The following IL16 variants were observed in gnomAD, a reference collection of about 807,000 sequenced individuals.
IL16 encodes the protein interleukin 16.
In IL16, 67 loss-of-function variants were observed where a neutral mutation model predicts 110.1. The ratio of observed to expected loss-of-function variants is 0.61; its 90% CI spans 0.50 to 0.75. IL16 has a LOEUF of 0.75. Ranked by LOEUF, IL16 falls within the 30% of genes least tolerant of loss-of-function variation. The pLI, the probability that IL16 is intolerant of heterozygous loss-of-function variation, is 0.00. For missense variants in IL16, 1,545 were observed against 1,655.0 expected, an observed-to-expected ratio of 0.93 and a Z score of 1.15; for synonymous variants, 689 against 662.9, an observed-to-expected ratio of 1.04 and a Z score of -0.61.
At chr15:81,244,124 T>G (rs571481689) in intron 2 of IL16, among the ~76,000 whole-genome samples, 1 of 152,318 alleles carries the variant, frequency 6.6e-6, no homozygotes, top group South Asian at 2.1e-4. Flanking sequence ...TCCCTTTACC[T>G]ACCTCGTTTA....
chr15:81,269,524 G>T lies in IL16; in HGVS notation c.565-14G>T, dbSNP rs1377957694. Reference sequence around the variant, plus strand: ...TGTGGCTAATCTTCTGCCTACTCTGGTTCCTTGTTGCAGGGAACTTCGAGA... The same window carrying T: ...TGTGGCTAATCTTCTGCCTACTCTGTTTCCTTGTTGCAGGGAACTTCGAGA... On this transcript the variant is annotated splice_polypyrimidine_tract_variant and intron_variant, in intron 4 of 18. Coordinates refer to ENST00000683961, the MANE Select transcript of IL16 (RefSeq NM_172217.5). 6.3e-7 allele frequency: 1 copy of T among 1,599,498 alleles called. No homozygotes were observed. The highest frequency in any genetic ancestry group is 8.6e-7 in the Non-Finnish European group (1 of 1,166,886).
intron 2 of IL16, 122 bp from the exon 3 acceptor site, chr15:81,259,650 T>C: frequency 7.8e-6 from 5 of 638,786 alleles, no homozygotes; most frequent in Admixed American, 2.5e-5. Flanking sequence ...ATAGTACTTA[T>C]CATTTCAGTA....
At chr15:81,206,176 C>T (rs1338506279) in intron 1 of IL16, among the ~76,000 whole-genome samples, 2 of 152,104 alleles carry the variant, frequency 1.3e-5, no homozygotes, top group Admixed American at 1.3e-4. Context: ...TGTTGCATGG[C>T]AATGAAGATA....
At chr15:81,186,168 C>T (rs1389272783) in intron 1 of IL16, among the ~76,000 whole-genome samples, 1 of 152,234 alleles carries the variant, frequency 6.6e-6, no homozygotes, top group East Asian at 1.9e-4. Flanking sequence ...GCTCCCTCTT[C>T]CTGAGTGCTT....
chr15:81,213,203 G>A (rs11072993), intron 1 of IL16, among the ~76,000 whole-genome samples: 2 of 151,966 alleles, frequency 1.3e-5, no homozygotes, highest in East Asian at 1.9e-4. Context: ...TTTTGAGAAA[G>A]CTTCTTGATA....
At chr15:81,257,776 G>A (rs145749890) in intron 2 of IL16, among the ~76,000 whole-genome samples, 5 of 152,304 alleles carry the variant, frequency 3.3e-5, no homozygotes, top group African/African-American at 1.2e-4. Context: ...ATGCAGTTAA[G>A]TCAGTTAGGA....
In IL16 at chr15:81,210,770, G is replaced by A. The variant is rs1042225346; in HGVS notation, c.-102+13618G>A. Among the ~76,000 whole-genome samples, 4 of 152,300 alleles carry A rather than the reference G, an allele frequency of 2.6e-5. No individual in the cohort carries two copies. The East Asian group carries it at 7.7e-4, about 29-fold the overall frequency. On this transcript the variant is annotated intron_variant, in intron 1 of 18. Coordinates refer to ENST00000683961, the MANE Select transcript of IL16 (RefSeq NM_172217.5). The stretch of plus-strand genomic sequence containing the variant: ...TGGAGTCTAGGGTTTTCTAAGTATA[G>A]ATTCATATTGACAACGAAGAGAGAT...
At chr15:81,218,005 A>G (rs1896490459) in intron 1 of IL16, among the ~76,000 whole-genome samples, 1 of 152,188 alleles carries the variant, frequency 6.6e-6, no homozygotes, top group Non-Finnish European at 1.5e-5. Context: ...ATGATTTACT[A>G]AGGTTCTAGA....
At chr15:81,296,896 T>C (rs756426230) in intron 12 of IL16, 32 bp from the exon 13 acceptor site, 1 of 1,563,848 alleles carries the variant, frequency 6.4e-7, no homozygotes, top group Non-Finnish European at 8.7e-7. Context: ...GCTACCGTTT[T>C]GACATGGTCT....
Position 81,299,605 on chromosome 15 carries a change from A to G in IL16, c.2279A>G (p.Lys760Arg). ...GGCCACCCAGATGGGACCCCACCAAAGCTGGACACCGCCAATGGCACTCCC... is the reference window on the plus strand; with the variant it reads ...GGCCACCCAGATGGGACCCCACCAAGGCTGGACACCGCCAATGGCACTCCC... ...TQGHPDGTPP[K>R]LDTANGTPKV... Residue 760 changes from lysine to arginine, a missense_variant, in exon 14 of 19, where the codon AAG (lysine) becomes AGG (arginine). Physicochemically the swap from Lys to Arg is conservative, Grantham distance 26. This residue lies in a region of IL16 where 1,185 missense variants were observed against 1,238.8 expected (regional missense o/e 0.96). Coordinates refer to ENST00000683961, the MANE Select transcript of IL16 (RefSeq NM_172217.5). The G allele has an allele frequency of 6.2e-7, 1 of 1,614,212 alleles. No homozygotes were observed. The highest frequency in any genetic ancestry group is 8.5e-7 in the Non-Finnish European group (1 of 1,180,038).
intron 10 of IL16, 105 bp downstream of exon 10, chr15:81,285,935 C>T: frequency 1.6e-6 from 2 of 1,233,380 alleles, no homozygotes; most frequent in Non-Finnish European, 2.3e-6. Context: ...TGGGTTTGTA[C>T]CTGAATTCCC....
intron 1 of IL16, among the ~76,000 whole-genome samples, chr15:81,215,017 T>C (rs2142002432): frequency 6.6e-6 from 1 of 152,348 alleles, no homozygotes; most frequent in Middle Eastern, 3.4e-3. Flanking sequence ...GTCTTTCAGC[T>C]CTTGTAACAT....
At chr15:81,198,229 T>C (rs1895671563) in intron 1 of IL16, among the ~76,000 whole-genome samples, 1 of 152,196 alleles carries the variant, frequency 6.6e-6, no homozygotes, top group Non-Finnish European at 1.5e-5. Flanking sequence ...CTGGCCACTC[T>C]TCAAGCCCCA....
chr15:81,257,636 G>T (rs905237208), intron 2 of IL16, among the ~76,000 whole-genome samples: 1 of 152,110 alleles, frequency 6.6e-6, no homozygotes, highest in Non-Finnish European at 1.5e-5. Context: ...GCTGAGGGTG[G>T]GTTATTTGGC....
intron 5 of IL16, among the ~76,000 whole-genome samples, chr15:81,272,267 C>T (rs1225725917): frequency 6.6e-6 from 1 of 152,244 alleles, no homozygotes; most frequent in Non-Finnish European, 1.5e-5. Flanking sequence ...ATTTCCTTTG[C>T]TGCTTTTCAG....
chr15:81,267,479 GACACACACAC>G (rs56259509), intron 4 of IL16, among the ~76,000 whole-genome samples: 67 of 107,708 alleles, frequency 6.2e-4, no homozygotes, highest in Middle Eastern at 4.7e-3. Context: ...CACATACACA[GACACACACAC>G]ACACACACAC....
In IL16 at chr15:81,306,553, G is replaced by T. The variant is rs778538647; in HGVS notation, c.3805+8G>T. 1.2e-5 allele frequency: 19 copies of T among 1,611,556 alleles called. No homozygotes were observed. The South Asian group carries it at 2.1e-4, about 18-fold the overall frequency. On this transcript the variant is annotated splice_region_variant and intron_variant, in intron 18 of 18. Coordinates refer to ENST00000683961, the MANE Select transcript of IL16 (RefSeq NM_172217.5). The stretch of plus-strand genomic sequence containing the variant: ...TTAACAGGATTTTCAAAGGTGTGGG[G>T]TGTGTCTGGTTCTTTGCGTGCTCTC...
At chr15:81,200,825 T>A (rs944964239) in intron 1 of IL16, among the ~76,000 whole-genome samples, 4 of 152,214 alleles carry the variant, frequency 2.6e-5, no homozygotes, top group African/African-American at 9.6e-5. Context: ...AGGCAAGGAT[T>A]TCAGGCCTGA....
Position 81,196,994 on chromosome 15 carries a change from G to A in IL16, c.-260G>A, listed in dbSNP as rs1377629822. The A allele has an allele frequency of 2.3e-6, 3 of 1,283,690 alleles. No homozygotes were observed. The highest frequency in any genetic ancestry group is 1.1e-4 in the East Asian group (2 of 17,980). The allele number at this position is 1,283,690 out of a possible 1,614,324, so 79.5% of individuals were successfully genotyped here. A position where few individuals can be genotyped will look rare whatever the true frequency, so the allele number is the denominator to read the frequency against. On this transcript the variant is annotated 5_prime_UTR_variant, in exon 1 of 19. Transcript: ENST00000683961. ...AAAGGCCGGCCTCCGTCTGAGAACT[G>A]AGCGTCCATTTCTCAATCCTTGCCG...
Sources: allele counts gnomAD v4.1 joint callset (sites outside exome capture counted in the v4.1 genomes callset), GRCh38; gene constraint gnomAD v4.1.1; regional missense constraint gnomAD v4.1.1; transcripts MANE v1.5; gene names NCBI Gene and HGNC (gene_info 2026-07-23, HGNC 2026-07-21).